Variants in DDX4 observed in about 807,000 individuals in gnomAD.
The protein encoded by DDX4 is DEAD-box helicase 4, also known as probable ATP-dependent RNA helicase DDX4.
In DDX4, 25 loss-of-function variants were observed where a neutral mutation model predicts 100.0. The ratio of observed to expected loss-of-function variants is 0.25; its 90% CI spans 0.18 to 0.35. The LOEUF is 0.35. DDX4 is among the 10% of genes least tolerant of loss of function. The probability of loss-of-function intolerance (pLI) is 1.00; values close to 1 mark genes in which losing one functional copy is unlikely to be tolerated. For synonymous variants in DDX4, 259 were observed against 275.7 expected, an observed-to-expected ratio of 0.94 and a Z score of 0.60; for missense variants, 635 against 882.4, an observed-to-expected ratio of 0.72 and a Z score of 3.55.
At chr5:55,813,848 T>C in intron 19 of DDX4, 76 bp downstream of exon 19, 1 of 1,393,044 alleles carries the variant, frequency 7.2e-7, no homozygotes. Flanking sequence ...TTTATATAAC[T>C]AATATGATAT....
At chr5:55,742,022 A>G (rs1474541293) in intron 2 of DDX4, 1 of 369,106 alleles carries the variant, frequency 2.7e-6, no homozygotes, top group Non-Finnish European at 5.5e-6. Flanking sequence ...ATACGCTTAT[A>G]TAATTTTGAA....
intron 10 of DDX4, among the ~76,000 whole-genome samples, chr5:55,783,383 A>G (rs1377810968): frequency 6.6e-6 from 1 of 152,062 alleles, no homozygotes; most frequent in Non-Finnish European, 1.5e-5. Flanking sequence ...ATTAGAGTTC[A>G]CATATAAAAA....
chr5:55,772,535 G>A (rs975298315), intron 7 of DDX4, among the ~76,000 whole-genome samples: 4 of 152,270 alleles, frequency 2.6e-5, no homozygotes, highest in Non-Finnish European at 4.4e-5. Flanking sequence ...CAAGTGCTAT[G>A]GTTTGGATGT....
At chr5:55,816,433 TC>T (rs1744423774) in intron 21 of DDX4, 29 bp from the exon 22 acceptor site, 3 of 1,546,144 alleles carry the variant, frequency 1.9e-6, no homozygotes, top group African/African-American at 3.0e-5. Flanking sequence ...TTTGTTTGTT[TC>T]TTTTTTTTTT....
chr5:55,791,936 C>T (rs1031231188), intron 16 of DDX4, among the ~76,000 whole-genome samples: 1 of 151,648 alleles, frequency 6.6e-6, no homozygotes, highest in Non-Finnish European at 1.5e-5. Flanking sequence ...ATGGTGAAAC[C>T]CCGTCTCTAC....
intron 7 of DDX4, among the ~76,000 whole-genome samples, chr5:55,776,026 A>G (rs572072989): frequency 1.3e-5 from 2 of 152,286 alleles, no homozygotes; most frequent in East Asian, 3.9e-4. Flanking sequence ...AGTCTGAGGC[A>G]GGAGAATCAC....
intron 18 of DDX4, among the ~76,000 whole-genome samples, chr5:55,808,831 T>A (rs987807566): frequency 3.9e-5 from 6 of 152,160 alleles, no homozygotes; most frequent in African/African-American, 1.4e-4. Flanking sequence ...GAACCACTAC[T>A]CTCTTCAAGG....
intron 13 of DDX4, 145 bp downstream of exon 13, chr5:55,786,016 A>T (rs1043390591): frequency 1.8e-6 from 1 of 555,274 alleles, no homozygotes; most frequent in Admixed American, 3.4e-5. Flanking sequence ...ATGATGTCTT[A>T]CCATCTATAA....
chr5:55,793,071 T>TGTGTTTGTGTG (rs757473435), intron 17 of DDX4, among the ~76,000 whole-genome samples: 1 of 150,048 alleles, frequency 6.7e-6, no homozygotes, highest in East Asian at 2.0e-4. Context: ...TGTGTTGTTG[T>TGTGTTTGTGTG]TGTTGTTGCA....
At chr5:55,790,290 G>A (rs940247957) in intron 15 of DDX4, among the ~76,000 whole-genome samples, 3 of 151,712 alleles carry the variant, frequency 2.0e-5, no homozygotes, top group Non-Finnish European at 4.4e-5. Context: ...GATTATAGGC[G>A]CATGCTACCA....
chr5:55,792,741 G>C lies in DDX4; in HGVS notation c.1403G>C (p.Gly468Ala), dbSNP rs1288888177. 3.1e-6 allele frequency: 5 copies of C among 1,600,762 alleles called. No individual in the cohort carries two copies. In the Admixed American group the frequency reaches 8.4e-5, roughly 27 times the overall value. ...ATGAAGAAGTTAATTTCTTGCCCAGGAATGCCATCAAAGGAACAGCGCCAA... is the reference window on the plus strand; with the variant it reads ...ATGAAGAAGTTAATTTCTTGCCCAGCAATGCCATCAAAGGAACAGCGCCAA... ...PEMKKLISCPGMPSKEQRQTL... is the reference protein window; with the variant it reads ...PEMKKLISCPAMPSKEQRQTL... The change falls in exon 17 of 22, where the codon GGA becomes GCA. Residue 468 changes from glycine to alanine, a missense_variant. Physicochemically the swap from Gly to Ala is moderately conservative, Grantham distance 60 (BLOSUM62 0). Coordinates refer to ENST00000505374, the MANE Select transcript of DDX4 (RefSeq NM_024415.3).
chr5:55,801,305 G>T (rs932945263), intron 18 of DDX4, among the ~76,000 whole-genome samples: 3 of 149,244 alleles, frequency 2.0e-5, no homozygotes, highest in African/African-American at 7.4e-5. Flanking sequence ...TGTGGCCCAA[G>T]ACAATTCTCC....
intron 18 of DDX4, among the ~76,000 whole-genome samples, chr5:55,803,454 T>C (rs1339332663): frequency 1.4e-5 from 2 of 144,796 alleles, no homozygotes; most frequent in Non-Finnish European, 3.0e-5. Flanking sequence ...TAGGTATATC[T>C]CCCAATGCTA....
At chr5:55,763,957 G>T (rs1207944835) in intron 5 of DDX4, 57 bp from the exon 6 acceptor site, 3 of 1,222,374 alleles carry the variant, frequency 2.5e-6, no homozygotes, top group East Asian at 4.7e-5. Context: ...GTTCCTGTGT[G>T]GTTATCATTT....
intron 2 of DDX4, among the ~76,000 whole-genome samples, chr5:55,741,671 C>T (rs973356376): frequency 6.6e-6 from 1 of 152,038 alleles, no homozygotes; most frequent in African/African-American, 2.4e-5. Flanking sequence ...CGCCAGTAGC[C>T]TCAGCTACTT....
intron 4 of DDX4, among the ~76,000 whole-genome samples, chr5:55,762,228 T>C (rs1740605034): frequency 6.6e-6 from 1 of 152,186 alleles, no homozygotes; most frequent in Non-Finnish European, 1.5e-5. Context: ...TTCTCAGTGA[T>C]AGTTTAAAGC....
chr5:55,760,816 C>T (rs1028569898), intron 4 of DDX4, among the ~76,000 whole-genome samples: 3 of 152,106 alleles, frequency 2.0e-5, no homozygotes, highest in Non-Finnish European at 4.4e-5. Context: ...CATTTTTAGA[C>T]TTAATATTAA....
At chr5:55,759,828 G>A (rs759064839) in intron 3 of DDX4, among the ~76,000 whole-genome samples, 7 of 152,182 alleles carry the variant, frequency 4.6e-5, no homozygotes, top group African/African-American at 9.6e-5. Flanking sequence ...TGTATGTTTC[G>A]TGCCTGTTTC....
In DDX4 at chr5:55,807,008, G is replaced by A. The variant is rs544280297; in HGVS notation, c.1616-6665G>A. Reference sequence around the variant, plus strand: ...TTGCTTTATGAATCTGGGTGCTCCTGTATTGGGTGCATATATATTTAGGAT... The same window carrying A: ...TTGCTTTATGAATCTGGGTGCTCCTATATTGGGTGCATATATATTTAGGAT... On this transcript the variant is annotated intron_variant, in intron 18 of 21. Coordinates refer to ENST00000505374, the MANE Select transcript of DDX4 (RefSeq NM_024415.3). Among the ~76,000 whole-genome samples the A allele has an allele frequency of 3.7e-4, 56 of 152,304 alleles. 1 individual carries two copies. Among genetic ancestry groups the A allele is most frequent in the African/African-American group, 1.3e-3 (55 of 41,566 alleles).
Sources: gnomAD v4.1 joint callset for allele counts (sites outside exome capture counted in the v4.1 genomes callset) on GRCh38, gnomAD v4.1.1 for gene constraint, MANE v1.5 for transcripts, NCBI Gene and HGNC (gene_info 2026-07-23, HGNC 2026-07-21) for gene names.